EYA1: variants seen among roughly 807,000 people sequenced by gnomAD.
EYA1 encodes protein phosphatase EYA1.
A neutral mutation model predicts 82.0 loss-of-function variants in EYA1; 16 were observed. That is an observed-to-expected ratio of 0.20 (90% CI 0.13 to 0.30). The LOEUF is 0.30. Among genes scored for constraint, EYA1 ranks in the 10% least tolerant of loss-of-function variants. EYA1 has a pLI of 1.00. For missense variants in EYA1, 633 were observed against 730.7 expected, an observed-to-expected ratio of 0.87 and a Z score of 1.54; for synonymous variants, 261 against 264.4, an observed-to-expected ratio of 0.99 and a Z score of 0.12.
At chr8:71,401,236 A>T (rs1411731736) in intron 2 of EYA1, among the ~76,000 whole-genome samples, 2 of 152,150 alleles carry the variant, frequency 1.3e-5, no homozygotes, top group Non-Finnish European at 2.9e-5. Context: ...CATGGCACAC[A>T]TTTACCTGTG....
chr8:71,237,087 C>A (rs765904086), intron 12 of EYA1, among the ~76,000 whole-genome samples: 4 of 151,572 alleles, frequency 2.6e-5, no homozygotes, highest in Non-Finnish European at 5.9e-5. Context: ...GAGTCTCACT[C>A]CGTCACCAGG....
chr8:71,507,756 G>C (rs1812303248), intron 2 of EYA1, among the ~76,000 whole-genome samples: 1 of 152,200 alleles, frequency 6.6e-6, no homozygotes, highest in African/African-American at 2.4e-5. Context: ...ATGCAAACCA[G>C]TGGGTATAGT....
intron 2 of EYA1, among the ~76,000 whole-genome samples, chr8:71,425,572 G>A (rs1385198664): frequency 1.3e-5 from 2 of 151,928 alleles, no homozygotes; most frequent in Admixed American, 1.3e-4. Context: ...ACCATAAGGG[G>A]GGAAATTTCC....
chr8:71,355,887 C>T (rs1211970127), intron 2 of EYA1, among the ~76,000 whole-genome samples: 1 of 152,118 alleles, frequency 6.6e-6, no homozygotes, highest in African/African-American at 2.4e-5. Flanking sequence ...TAAAAACACA[C>T]TTAGATTCCA....
intron 2 of EYA1, among the ~76,000 whole-genome samples, chr8:71,445,001 A>G (rs1806758507): frequency 6.6e-6 from 1 of 152,188 alleles, no homozygotes; most frequent in Admixed American, 6.5e-5. Flanking sequence ...CTCAAATCAG[A>G]CCCTATCAAA....
chr8:71,325,474 G>C (rs1396933803), intron 4 of EYA1, among the ~76,000 whole-genome samples: 1 of 152,164 alleles, frequency 6.6e-6, no homozygotes, highest in Non-Finnish European at 1.5e-5. Flanking sequence ...CTCAGCACCT[G>C]ACAGGGCCTG....
chr8:71,533,057 A>C (rs1436575925), intron 2 of EYA1, among the ~76,000 whole-genome samples: 1 of 152,214 alleles, frequency 6.6e-6, no homozygotes, highest in African/African-American at 2.4e-5. Flanking sequence ...GAACTTTTAG[A>C]ACAGGCAAAA....
At chr8:71,231,016 C>A (rs17709728) in intron 12 of EYA1, among the ~76,000 whole-genome samples, 1 of 152,208 alleles carries the variant, frequency 6.6e-6, no homozygotes, top group East Asian at 1.9e-4. Context: ...TATCTCAAAT[C>A]TGAATTCAGC....
intron 7 of EYA1, among the ~76,000 whole-genome samples, chr8:71,313,200 C>A (rs1237066291): frequency 6.6e-6 from 1 of 152,152 alleles, no homozygotes; most frequent in Non-Finnish European, 1.5e-5. Context: ...TTCTCCCCCG[C>A]TTTTTCGGTA....
intron 2 of EYA1, among the ~76,000 whole-genome samples, chr8:71,480,713 A>T (rs990652990): frequency 6.6e-6 from 1 of 152,032 alleles, no homozygotes; most frequent in East Asian, 1.9e-4. Context: ...GAAACATTAT[A>T]TCTGCATGAA....
chr8:71,369,839 T>C (rs555971945), intron 2 of EYA1, among the ~76,000 whole-genome samples: 132 of 152,308 alleles, frequency 8.7e-4, no homozygotes, highest in African/African-American at 3.0e-3. Context: ...TTTCCTTCCA[T>C]TGAAAACTTT....
chr8:71,520,083 C>A (rs114664348), intron 2 of EYA1, among the ~76,000 whole-genome samples: 106 of 152,262 alleles, frequency 7.0e-4, no homozygotes, highest in African/African-American at 2.5e-3. Flanking sequence ...CAAGTCATAG[C>A]AGAAAAGGCT....
intron 2 of EYA1, among the ~76,000 whole-genome samples, chr8:71,393,046 T>C (rs1829368340): frequency 6.6e-6 from 1 of 152,128 alleles, no homozygotes; most frequent in African/African-American, 2.4e-5. Flanking sequence ...TCTGCAATAT[T>C]TGAACACATA....
At chr8:71,341,898 A>G (rs572271725) in intron 3 of EYA1, among the ~76,000 whole-genome samples, 1 of 152,358 alleles carries the variant, frequency 6.6e-6, no homozygotes, top group East Asian at 1.9e-4. Context: ...AAAGTACAGC[A>G]TATATCAATA....
At chr8:71,311,320 A>C (rs1200227285) in intron 7 of EYA1, among the ~76,000 whole-genome samples, 4 of 152,270 alleles carry the variant, frequency 2.6e-5, no homozygotes, top group African/African-American at 9.6e-5. Context: ...GAAAGCAATC[A>C]GAGGCCGAAG....
intron 2 of EYA1, among the ~76,000 whole-genome samples, chr8:71,441,654 T>C (rs947757997): frequency 2.0e-5 from 3 of 152,238 alleles, no homozygotes; most frequent in Non-Finnish European, 4.4e-5. Flanking sequence ...TTGTTAACTA[T>C]GGGATGATGG....
At chr8:71,501,769 ACTCCAGC>A (rs1333910015) in intron 2 of EYA1, among the ~76,000 whole-genome samples, 1 of 151,974 alleles carries the variant, frequency 6.6e-6, no homozygotes, top group African/African-American at 2.4e-5. Flanking sequence ...TGGTTTAAAA[ACTCCAGC>A]CGGAAAGTCA....
chr8:71,328,109 C>T (rs1391178169), intron 4 of EYA1, among the ~76,000 whole-genome samples: 1 of 152,028 alleles, frequency 6.6e-6, no homozygotes, highest in Non-Finnish European at 1.5e-5. Context: ...TCTACCTTGG[C>T]CTCCCAAAGT....
intron 12 of EYA1, among the ~76,000 whole-genome samples, chr8:71,243,031 G>C (rs182616079): frequency 6.6e-6 from 1 of 152,184 alleles, no homozygotes; most frequent in Non-Finnish European, 1.5e-5. Context: ...AGCTGCCTCT[G>C]CCTCCCAAAG....
Sources: allele counts gnomAD v4.1 joint callset (sites outside exome capture counted in the v4.1 genomes callset), GRCh38; gene constraint gnomAD v4.1.1; transcripts MANE v1.5; gene names NCBI Gene and HGNC (gene_info 2026-07-23, HGNC 2026-07-21).